Variants in UGT2A3 observed in about 807,000 individuals in gnomAD.
The protein encoded by UGT2A3 is UDP-glucuronosyltransferase 2A3.
UGT2A3 carries 55 observed loss-of-function variants against 44.1 expected under a neutral mutation model. The observed-to-expected ratio is 1.25, with a 90% CI of 1.00 to 1.56. The LOEUF is 1.56. UGT2A3 is among the 40% of genes most tolerant of loss of function. The probability of loss-of-function intolerance (pLI) is 0.00; values close to 1 mark genes in which losing one functional copy is unlikely to be tolerated. For missense variants in UGT2A3, 733 were observed against 621.6 expected, an observed-to-expected ratio of 1.18 and a Z score of -1.91; for synonymous variants, 243 against 215.1, an observed-to-expected ratio of 1.13 and a Z score of -1.13.
At chr4:68,948,443 T>TTC (rs1718462682) in intron 1 of UGT2A3, among the ~76,000 whole-genome samples, 1 of 111,416 alleles carries the variant, frequency 9.0e-6, no homozygotes, top group African/African-American at 2.8e-5. Context: ...TTTTTTCTTT[T>TTC]TTTTTTTTTT....
At chr4:68,940,021 T>C (rs1718125698) in intron 2 of UGT2A3, among the ~76,000 whole-genome samples, 2 of 152,080 alleles carry the variant, frequency 1.3e-5, no homozygotes, top group Admixed American at 1.3e-4. Context: ...TGAGTTAGAA[T>C]GGCCATCATT....
chr4:68,941,581 G>A (rs1365690984), intron 2 of UGT2A3, among the ~76,000 whole-genome samples: 2 of 151,862 alleles, frequency 1.3e-5, no homozygotes, highest in East Asian at 1.9e-4. Context: ...GTCTAGGCAA[G>A]GATTTTTTTG....
chr4:68,938,760 T>G (rs924514674), intron 2 of UGT2A3, among the ~76,000 whole-genome samples: 1 of 152,110 alleles, frequency 6.6e-6, no homozygotes, highest in Non-Finnish European at 1.5e-5. Flanking sequence ...GTAAGTCAAA[T>G]TGTCCCCGTT....
chr4:68,942,337 C>CTA lies in UGT2A3; in HGVS notation c.864+2968_864+2969insTA, dbSNP rs1388925620. Among the ~76,000 whole-genome samples the CTA allele has an allele frequency of 3.2e-3, 438 of 138,536 alleles. 3 individuals carry two copies. The highest frequency in any genetic ancestry group is 4.8e-3 in the Non-Finnish European group (311 of 64,474). 90.9% of individuals were successfully genotyped at this position (138,536 alleles called of 152,430 possible). A position where few individuals can be genotyped will look rare whatever the true frequency, so the allele number is the denominator to read the frequency against. On this transcript the variant is annotated intron_variant, in intron 2 of 5. Coordinates refer to ENST00000251566, the MANE Select transcript of UGT2A3 (RefSeq NM_024743.4). ...TGAAAATATCTCTCTCTCTCTCTCT[C>CTA]TCTATATATATATATGCAATGAAAT...
intron 2 of UGT2A3, among the ~76,000 whole-genome samples, chr4:68,934,643 T>A (rs1560456541): frequency 1.3e-5 from 2 of 151,910 alleles, no homozygotes; most frequent in Non-Finnish European, 2.9e-5. Flanking sequence ...AGACAGAGGC[T>A]GAAGAATCAC....
chr4:68,933,797 TG>T (rs529186079), intron 2 of UGT2A3, among the ~76,000 whole-genome samples: 169 of 152,192 alleles, frequency 1.1e-3, no homozygotes, highest in African/African-American at 3.9e-3. Context: ...CACAGCATTA[TG>T]TTTTCATGGT....
chr4:68,936,133 C>T (rs538498269), intron 2 of UGT2A3, among the ~76,000 whole-genome samples: 4 of 152,206 alleles, frequency 2.6e-5, no homozygotes, highest in African/African-American at 9.6e-5. Flanking sequence ...AGTTAGAAAA[C>T]ACTCTTCAGT....
chr4:68,932,813 A>G, intron 2 of UGT2A3, 54 bp from the exon 3 acceptor site: 1 of 1,533,464 alleles, frequency 6.5e-7, no homozygotes, highest in Non-Finnish European at 8.9e-7. Flanking sequence ...AAAAATTAAA[A>G]TAAAGGTTAC....
chr4:68,945,740 G>A (rs1157585823), intron 1 of UGT2A3, among the ~76,000 whole-genome samples: 2 of 15,330 alleles, frequency 1.3e-4, no homozygotes, highest in African/African-American at 2.0e-4. Flanking sequence ...AGGAAAGAAG[G>A]AAGGAAGGAA....
chr4:68,935,315 T>TATAC (rs1717903615), intron 2 of UGT2A3, among the ~76,000 whole-genome samples: 3 of 135,662 alleles, frequency 2.2e-5, no homozygotes, highest in Non-Finnish European at 4.7e-5. Flanking sequence ...TATATATATA[T>TATAC]ATGCATAATA....
Position 68,929,146 on chromosome 4 carries a change from T to C in UGT2A3, c.*667A>G, listed in dbSNP as rs1717624989. 2 of 152,136 alleles carry C rather than the reference T, an allele frequency of 1.3e-5. No homozygotes were observed. Among genetic ancestry groups the C allele is most frequent in the Non-Finnish European group, 2.9e-5 (2 of 68,008 alleles). 9.4% of individuals were successfully genotyped at this position (152,136 alleles called of 1,614,324 possible). A position where few individuals can be genotyped will look rare whatever the true frequency, so the allele number is the denominator to read the frequency against. On this transcript the variant is annotated 3_prime_UTR_variant, in exon 6 of 6. Transcript: ENST00000251566. Reference sequence around the variant, plus strand: ...TGAGAAAAAAAATAGTTTCTTTTGTTATTTGATGGCAATCATGAGAAAGGT... The same window carrying C: ...TGAGAAAAAAAATAGTTTCTTTTGTCATTTGATGGCAATCATGAGAAAGGT...
chr4:68,943,587 T>G (rs188275764), intron 2 of UGT2A3, among the ~76,000 whole-genome samples: 70 of 151,878 alleles, frequency 4.6e-4, no homozygotes, highest in Non-Finnish European at 8.6e-4. Context: ...CCATAGCTAT[T>G]GTGGTAAATT....
chr4:68,930,152 A>G lies in UGT2A3; in HGVS notation c.1305-60T>C, dbSNP rs1717675101. On this transcript the variant is annotated intron_variant, in intron 5 of 5. Transcript: ENST00000251566. ...TTGTAGTTTTGTTTTCATAAAAGAC[A>G]GGTAGATAAACCGTAGTATATGTTA... 3.3e-6 allele frequency: 5 copies of G among 1,519,968 alleles called. No individual in the cohort carries two copies. The East Asian group carries it at 6.8e-5, about 21-fold the overall frequency. The allele number at this position is 1,519,968 out of a possible 1,614,324, so 94.2% of individuals were successfully genotyped here. A position where few individuals can be genotyped will look rare whatever the true frequency, so the allele number is the denominator to read the frequency against.
rs141847100 is a variant in UGT2A3, at chr4:68,932,359, C to T, written c.996+269G>A. 1.8e-3 allele frequency among the ~76,000 whole-genome samples: 276 copies of T among 151,292 alleles called. 1 individual carries two copies. Among genetic ancestry groups the T allele is most frequent in the African/African-American group, 6.0e-3 (249 of 41,324 alleles). Reference sequence around the variant, plus strand: ...ATTTTTTTTTGGAATCATTGGCACACGCTTTTAGATTTCAAATCCTAAAAT... The same window carrying T: ...ATTTTTTTTTGGAATCATTGGCACATGCTTTTAGATTTCAAATCCTAAAAT... On this transcript the variant is annotated intron_variant, in intron 3 of 5. Coordinates refer to ENST00000251566, the MANE Select transcript of UGT2A3 (RefSeq NM_024743.4).
At chr4:68,939,907 CA>C in intron 2 of UGT2A3, among the ~76,000 whole-genome samples, 1 of 152,040 alleles carries the variant, frequency 6.6e-6, no homozygotes, top group Non-Finnish European at 1.5e-5. Flanking sequence ...AGACACTTGT[CA>C]AAAGAAGACA....
intron 2 of UGT2A3, among the ~76,000 whole-genome samples, chr4:68,936,888 C>CAAAAAAAAAAAAAAAAAAAAAAA (rs56737078): frequency 2.2e-5 from 1 of 46,336 alleles, no homozygotes; most frequent in Non-Finnish European, 3.7e-5. Flanking sequence ...AAATGGAAAG[C>CAAAAAAAAAAAAAAAAAAAAAAA]AAAAAAAAAA....
At chr4:68,932,430 T>C (rs1313198630) in intron 3 of UGT2A3, among the ~76,000 whole-genome samples, 198 bp downstream of exon 3, 1 of 151,960 alleles carries the variant, frequency 6.6e-6, no homozygotes. Context: ...TATAAACAAA[T>C]GACAATCAAG....
rs755669129 is a variant in UGT2A3 at position 68,951,316 on chromosome 4, C to T, written c.445G>A (p.Asp149Asn). The T allele has an allele frequency of 6.2e-7, 1 of 1,612,684 alleles. No homozygotes were observed. Among genetic ancestry groups the T allele is most frequent in the Non-Finnish European group, 8.5e-7 (1 of 1,179,260 alleles). The change falls in exon 1 of 6, where the codon GAC becomes AAC. Residue 149 changes from aspartate (D) to asparagine (N), a missense_variant. Physicochemically the swap from Asp to Asn is conservative, Grantham distance 23. Coordinates refer to ENST00000251566, the MANE Select transcript of UGT2A3 (RefSeq NM_024743.4). ...AGGTCTCCACAGGGAATCACAGGGT[C>T]TATAAGCATTACATCGTAGTTGGTT... is the stretch of plus-strand genomic sequence containing the variant. ...QETNYDVMLI[D>N]PVIPCGDLMA...
chr4:68,942,538 T>TATATATATATATAC lies in UGT2A3; in HGVS notation c.864+2767_864+2768insGTATATATATATAT, dbSNP rs1442602288. On this transcript the variant is annotated intron_variant, in intron 2 of 5. Coordinates refer to ENST00000251566, the MANE Select transcript of UGT2A3 (RefSeq NM_024743.4). ...ATATATATATATATATATATATATA[T>TATATATATATATAC]ACATTTTCCAATGTTTATATATATC... Among the ~76,000 whole-genome samples the TATATATATATATAC allele has an allele frequency of 2.1e-3, 299 of 142,892 alleles. 1 individual carries two copies. Among genetic ancestry groups the TATATATATATATAC allele is most frequent in the African/African-American group, 7.3e-3 (273 of 37,402 alleles). The allele number at this position is 142,892 out of a possible 152,430, so 93.7% of individuals were successfully genotyped here. A position where few individuals can be genotyped will look rare whatever the true frequency, so the allele number is the denominator to read the frequency against.
Sources: allele counts gnomAD v4.1 joint callset (sites outside exome capture counted in the v4.1 genomes callset), GRCh38; gene constraint gnomAD v4.1.1; transcripts MANE v1.5; gene names NCBI Gene and HGNC (gene_info 2026-07-23, HGNC 2026-07-21).